The following JADE1 variants were observed in gnomAD, a reference collection of about 807,000 sequenced individuals.
JADE1 encodes the protein jade family PHD finger 1.
A neutral mutation model predicts 81.8 loss-of-function variants in JADE1; 14 were observed. That is an observed-to-expected ratio of 0.17 (90% confidence interval 0.11 to 0.27). JADE1 has a LOEUF of 0.27. JADE1 is among the 10% of genes least tolerant of loss of function. JADE1 has a pLI of 1.00. For synonymous variants in JADE1, 353 were observed against 391.9 expected (o/e 0.90, Z 1.17); for missense variants, 690 against 1,047.9 (o/e 0.66, Z 4.71).
Position 128,872,160 on chromosome 4 carries a change from GA to G in JADE1, c.2428del (p.Ser810ValfsTer55). ...ACGGGTATGTCCCCGATGTGGAAAT[GA>G]GTGACTCAGAGAGTGAGGCATCAGA... ...NDGYVPDVEM[S>X]DSESEASEKK... On this transcript the variant is annotated frameshift_variant, in exon 11 of 11. Transcript: ENST00000226319. LOFTEE classifies it high-confidence loss of function. The G allele has an allele frequency of 6.2e-7, 1 of 1,614,170 alleles. No homozygotes were observed. The highest frequency in any genetic ancestry group is 8.5e-7 in the Non-Finnish European group (1 of 1,180,018).
Position 128,848,264 on chromosome 4 carries a change from C to T in JADE1, c.297-716C>T, listed in dbSNP as rs546346129. Reference sequence around the variant, plus strand: ...TGCAATCTTGGCTCACTACAACCTCCGCCTCCTGGGTTCAAGCAATTCTCC... The same window carrying T: ...TGCAATCTTGGCTCACTACAACCTCTGCCTCCTGGGTTCAAGCAATTCTCC... On this transcript the variant is annotated intron_variant, in intron 4 of 10. Transcript: ENST00000226319. Among the ~76,000 whole-genome samples, 56 of 152,192 alleles carry T rather than the reference C, an allele frequency of 3.7e-4. 1 individual carries two copies. In the South Asian group the frequency reaches 5.6e-3, roughly 15 times the overall value.
chr4:128,837,057 G>T (rs1729043329), intron 2 of JADE1, among the ~76,000 whole-genome samples: 1 of 152,206 alleles, frequency 6.6e-6, no homozygotes, highest in Non-Finnish European at 1.5e-5. Flanking sequence ...AAGTTATAGA[G>T]CAGGACTTCT....
At chr4:128,853,551 C>T (rs1730544625) in intron 6 of JADE1, among the ~76,000 whole-genome samples, 1 of 152,184 alleles carries the variant, frequency 6.6e-6, no homozygotes, top group Non-Finnish European at 1.5e-5. Context: ...ATGACAATCT[C>T]AGTGCCTCTT....
intron 2 of JADE1, among the ~76,000 whole-genome samples, chr4:128,841,749 A>T (rs1284355045): frequency 1.3e-5 from 2 of 151,982 alleles, no homozygotes; most frequent in African/African-American, 4.8e-5. Context: ...ATGGGTGAGC[A>T]CCCCCGGGGA....
At chr4:128,819,277 G>GT (rs66632357) in intron 1 of JADE1, among the ~76,000 whole-genome samples, 4,563 of 151,350 alleles carry the variant, frequency 0.03, 105 homozygotes, top group Non-Finnish European at 0.049. Flanking sequence ...TGCAATGGTG[G>GT]TTTTTTTTTT....
rs140366713 is a variant in JADE1 at position 128,830,272 on chromosome 4, C to G, written c.-26-1461C>G. Among the ~76,000 whole-genome samples the G allele has an allele frequency of 5.4e-3, 817 of 151,806 alleles. 7 individuals are homozygous for G. Among genetic ancestry groups the G allele is most frequent in the African/African-American group, 0.019 (773 of 41,338 alleles). On this transcript the variant is annotated intron_variant, in intron 1 of 10. Coordinates refer to ENST00000226319, the MANE Select transcript of JADE1 (RefSeq NM_199320.4). ...GTGTATGTTGAGACAGGGTCTCTGTCGCCCAGGCTGGAGTGCAGTGGTGTG... is the reference window on the plus strand; with the variant it reads ...GTGTATGTTGAGACAGGGTCTCTGTGGCCCAGGCTGGAGTGCAGTGGTGTG...
At position 128,872,869 on chromosome 4, in the gene JADE1, G is replaced by A. The variant is rs556209455; in HGVS notation, c.*607G>A. The A allele has an allele frequency of 2.2e-6, 1 of 453,734 alleles. No individual in the cohort carries two copies. Among genetic ancestry groups the A allele is most frequent in the East Asian group, 7.0e-5 (1 of 14,352 alleles). 28.1% of individuals were successfully genotyped at this position (453,734 alleles called of 1,614,324 possible). A position where few individuals can be genotyped will look rare whatever the true frequency, so the allele number is the denominator to read the frequency against. On this transcript the variant is annotated 3_prime_UTR_variant, in exon 11 of 11. Coordinates refer to ENST00000226319, the MANE Select transcript of JADE1 (RefSeq NM_199320.4). ...AAAAGGTCATTATTGAAGAAGCTGA[G>A]GGGACAGGGTAGAGCTGCTGCAATA...
chr4:128,860,065 C>T (rs1012057446), intron 8 of JADE1, among the ~76,000 whole-genome samples: 2 of 152,154 alleles, frequency 1.3e-5, no homozygotes, highest in African/African-American at 2.4e-5. Flanking sequence ...AGGGTTAGAG[C>T]GCTTGGGTTA....
At chr4:128,821,214 ACCCTAGCTTT>A (rs1401751612) in intron 1 of JADE1, among the ~76,000 whole-genome samples, 2 of 152,208 alleles carry the variant, frequency 1.3e-5, no homozygotes, top group Non-Finnish European at 2.9e-5. Flanking sequence ...GATTAATCTG[ACCCTAGCTTT>A]CCCTGATAAA....
Position 128,831,830 on chromosome 4 carries a change from T to G in JADE1, c.52+20T>G. ...ATGGCAGTAAGTCCTGCTTTGTTGTTCTTGGAGCCTACCAGGGTTTGGGTC... is the reference window on the plus strand; with the variant it reads ...ATGGCAGTAAGTCCTGCTTTGTTGTGCTTGGAGCCTACCAGGGTTTGGGTC... On this transcript the variant is annotated intron_variant, in intron 2 of 10. Transcript: ENST00000226319. 6.2e-7 allele frequency: 1 copy of G among 1,607,900 alleles called. No homozygotes were observed. The highest frequency in any genetic ancestry group is 8.5e-7 in the Non-Finnish European group (1 of 1,174,304).
At chr4:128,849,887 C>G (rs1292404427) in intron 5 of JADE1, among the ~76,000 whole-genome samples, 1 of 152,150 alleles carries the variant, frequency 6.6e-6, no homozygotes, top group Admixed American at 6.5e-5. Context: ...ACAGTGGAGT[C>G]AAGTCTGGGC....
chr4:128,833,239 T>C (rs1339874915), intron 2 of JADE1, among the ~76,000 whole-genome samples: 1 of 152,170 alleles, frequency 6.6e-6, no homozygotes, highest in Non-Finnish European at 1.5e-5. Context: ...TAACCCTGCC[T>C]ACCTGTTTTC....
intron 2 of JADE1, among the ~76,000 whole-genome samples, chr4:128,834,419 C>T (rs36120426): frequency 0.027 from 4,177 of 152,150 alleles, 82 homozygotes; most frequent in South Asian, 0.055. Context: ...CTTTCAAGGC[C>T]CTGTCTCCAA....
chr4:128,810,217 G>GC (rs1726217975), intron 1 of JADE1: 1 of 152,056 alleles, frequency 6.6e-6, no homozygotes, highest in East Asian at 1.9e-4. Context: ...AGTAACTTGG[G>GC]CATTGCCGGG....
rs1320432027 is a variant in JADE1, at chr4:128,855,669, C to T, written c.736C>T (p.Leu246=). 1.2e-6 allele frequency: 2 copies of T among 1,613,976 alleles called. No individual in the cohort carries two copies. Among genetic ancestry groups the T allele is most frequent in the Admixed American group, 3.3e-5 (2 of 60,010 alleles). Residue 246 remains leucine, a synonymous_variant, in exon 7 of 11, where the codon CTG becomes TTG. Coordinates refer to ENST00000226319, the MANE Select transcript of JADE1 (RefSeq NM_199320.4). ...CCTCAAGGTACCAGAGGGCAGCTGG[C>T]TGTGCCGGACATGTGCCCTGGGGGT... ...GILKVPEGSW[L]CRTCALGVQP... is the part of the protein sequence containing the mutation.
chr4:128,852,976 A>G (rs977560206), intron 6 of JADE1, among the ~76,000 whole-genome samples: 6 of 150,312 alleles, frequency 4.0e-5, no homozygotes, highest in South Asian at 2.1e-4. Context: ...GCTCACTGCA[A>G]CCTCCGCCTC....
Position 128,852,063 on chromosome 4 carries a change from C to A in JADE1, c.491C>A (p.Pro164His). Residue 164 changes from proline (P) to histidine (H), a missense_variant, in exon 6 of 11, where the codon CCT (proline) becomes CAT (histidine). Pro to His is a moderately conservative substitution (Grantham distance 77, BLOSUM62 -2). Around this residue, in one of 8 missense-constraint regions of JADE1, gnomAD observed 98 missense variants for 161.3 expected, o/e 0.61. Coordinates refer to ENST00000226319, the MANE Select transcript of JADE1 (RefSeq NM_199320.4). ...GTGGCATTTTTAACTTCAGGAATGC[C>A]TGAACTAGATGAATACACCATGGAG... ...TNEEFKEMGM[P>H]ELDEYTMERV... The A allele has an allele frequency of 6.2e-7, 1 of 1,612,154 alleles. No individual in the cohort carries two copies. Among genetic ancestry groups the A allele is most frequent in the Non-Finnish European group, 8.5e-7 (1 of 1,178,514 alleles).
intron 1 of JADE1, chr4:128,811,305 G>T (rs1726334209): frequency 6.6e-6 from 1 of 152,486 alleles, no homozygotes; most frequent in East Asian, 1.9e-4. Flanking sequence ...GTGGCGGAGC[G>T]CGGCGGCGGG....
At chr4:128,832,287 ATAC>A (rs1728622896) in intron 2 of JADE1, among the ~76,000 whole-genome samples, 2 of 152,220 alleles carry the variant, frequency 1.3e-5, no homozygotes, top group Admixed American at 1.3e-4. Context: ...ACTATATTGA[ATAC>A]TACTGCTGTC....
Sources: gnomAD v4.1 joint callset for allele counts (sites outside exome capture counted in the v4.1 genomes callset) on GRCh38, gnomAD v4.1.1 for gene constraint, gnomAD v4.1.1 regional missense constraint, MANE v1.5 for transcripts, NCBI Gene and HGNC (gene_info 2026-07-23, HGNC 2026-07-21) for gene names.